ICE1: variants seen among roughly 807,000 people sequenced by gnomAD.
ICE1 encodes interactor of little elongation complex ELL subunit 1, also known as little elongation complex subunit 1.
ICE1 carries 64 observed loss-of-function variants against 192.7 expected under a neutral mutation model. That is an observed-to-expected ratio of 0.33 (90% confidence interval 0.27 to 0.41). ICE1 has a LOEUF of 0.41. ICE1 is among the 10% of genes least tolerant of loss of function. The pLI is 1.00. For missense variants in ICE1, 2,708 were observed against 2,696.0 expected, an observed-to-expected ratio of 1.00 and a Z score of -0.10; for synonymous variants, 1,010 against 984.5, an observed-to-expected ratio of 1.03 and a Z score of -0.49.
chr5:5,445,630 T>A (rs1337044727), intron 7 of ICE1, among the ~76,000 whole-genome samples: 2 of 151,996 alleles, frequency 1.3e-5, no homozygotes, highest in Non-Finnish European at 2.9e-5. Context: ...GCCAGACTGG[T>A]CTCGAACTCC....
chr5:5,445,802 G>A (rs1055305313), intron 7 of ICE1, among the ~76,000 whole-genome samples: 11 of 150,326 alleles, frequency 7.3e-5, no homozygotes, highest in African/African-American at 2.2e-4. Flanking sequence ...GCGTGATCTC[G>A]GCTCTCTACA....
intron 18 of ICE1, among the ~76,000 whole-genome samples, chr5:5,488,299 T>C (rs1739683065): frequency 6.6e-6 from 1 of 152,232 alleles, no homozygotes; most frequent in African/African-American, 2.4e-5. Flanking sequence ...TATATTTTAT[T>C]TGAAATGCTT....
intron 6 of ICE1, among the ~76,000 whole-genome samples, chr5:5,443,595 C>T (rs1260092372): frequency 6.6e-6 from 1 of 152,122 alleles, no homozygotes; most frequent in Non-Finnish European, 1.5e-5. Context: ...ATTATGTACT[C>T]ATTCACTTGT....
chr5:5,480,012 G>A (rs945246076), intron 17 of ICE1, among the ~76,000 whole-genome samples: 21 of 152,080 alleles, frequency 1.4e-4, no homozygotes, highest in African/African-American at 5.1e-4. Context: ...TGGGTTGATA[G>A]GTGCAGCAAA....
rs76783275 is a variant in ICE1, at chr5:5,457,580, G to A, written c.940G>A (p.Gly314Ser). 3.1e-3 allele frequency: 5,016 copies of A among 1,613,884 alleles called. 133 individuals carry two copies. In the African/African-American group the frequency reaches 0.059, roughly 19 times the overall value. ...LEVLVQSHRDGGSTEFVDHDH... is the reference protein window; with the variant it reads ...LEVLVQSHRDSGSTEFVDHDH... ...GGTTTTAGTACAAAGTCATCGTGAC[G>A]GTGGTAGTACTGAATTTGTTGATCA... The change falls in exon 12 of 19, where the codon GGT becomes AGT. Residue 314 changes from glycine (G) to serine (S), a missense_variant. Gly to Ser is a moderately conservative substitution (Grantham distance 56). Transcript: ENST00000296564.
chr5:5,446,620 T>C lies in ICE1; in HGVS notation c.425-807T>C, dbSNP rs143636842. On this transcript the variant is annotated intron_variant, in intron 7 of 18. Transcript: ENST00000296564. ...GAAATCTGAAGTGCCAGTGAGACTA[T>C]ATATACAGGTTTTAGAACAGACTTT... Among the ~76,000 whole-genome samples, 463 of 152,286 alleles carry C rather than the reference T, an allele frequency of 3.0e-3. 6 individuals are homozygous for C. The highest frequency in any genetic ancestry group is 0.014 in the Middle Eastern group (4 of 294).
chr5:5,474,903 A>G (rs1275920872), intron 16 of ICE1, among the ~76,000 whole-genome samples: 1 of 152,256 alleles, frequency 6.6e-6, no homozygotes, highest in East Asian at 1.9e-4. Flanking sequence ...GAATCAAATC[A>G]TGGCACTCCT....
intron 17 of ICE1, among the ~76,000 whole-genome samples, chr5:5,476,907 A>G (rs2111400271): frequency 6.6e-6 from 1 of 152,298 alleles, no homozygotes; most frequent in East Asian, 1.9e-4. Flanking sequence ...ACAGAAATGA[A>G]ATGATTGTTT....
Position 5,461,323 on chromosome 5 carries a change from A to G in ICE1, c.1989A>G (p.Val663=), listed in dbSNP as rs1373887053. The change falls in exon 13 of 19, where the codon GTA becomes GTG. Residue 663 remains valine, a synonymous_variant. Coordinates refer to ENST00000296564, the MANE Select transcript of ICE1 (RefSeq NM_015325.3). ...ATGATACAGATATTACTACTAAAGT[A>G]TTCTCTACTGAACCGCATCATTCAG... is the stretch of plus-strand genomic sequence containing the variant. ...CGNDTDITTK[V]FSTEPHHSEH... is the part of the protein sequence containing the mutation. 20 of 1,613,862 alleles carry G rather than the reference A, an allele frequency of 1.2e-5. 1 individual carries two copies. Among genetic ancestry groups the G allele is most frequent in the South Asian group, 2.2e-5 (2 of 91,084 alleles).
rs770168546 is a variant in ICE1 at position 5,489,110 on chromosome 5, A to G, written c.6620-39A>G. On this transcript the variant is annotated intron_variant, in intron 18 of 18. Coordinates refer to ENST00000296564, the MANE Select transcript of ICE1 (RefSeq NM_015325.3). The stretch of plus-strand genomic sequence containing the variant: ...ATCACTAAAATTTTGAATAACAGAT[A>G]TTTTCTTGTTTTATGACTGATCTGA... 1.9e-6 allele frequency: 3 copies of G among 1,580,082 alleles called. No individual in the cohort carries two copies. The South Asian group carries it at 3.4e-5, about 18-fold the overall frequency.
At chr5:5,473,982 G>A (rs1007388844) in intron 16 of ICE1, among the ~76,000 whole-genome samples, 4 of 152,018 alleles carry the variant, frequency 2.6e-5, no homozygotes, top group African/African-American at 9.7e-5. Flanking sequence ...AGGCCGAGGT[G>A]GGCAGATCAC....
chr5:5,423,016 G>A lies in ICE1; in HGVS notation c.84+17G>A, dbSNP rs2111320869. 1 of 1,359,892 alleles carries A rather than the reference G, an allele frequency of 7.4e-7. No individual in the cohort carries two copies. Among genetic ancestry groups the A allele is most frequent in the East Asian group, 3.1e-5 (1 of 31,928 alleles). The allele number at this position is 1,359,892 out of a possible 1,614,324, so 84.2% of individuals were successfully genotyped here. On this transcript the variant is annotated intron_variant, in intron 1 of 18. Coordinates refer to ENST00000296564, the MANE Select transcript of ICE1 (RefSeq NM_015325.3). ...CTGCAGCAGGTGCAGCACCTCCCGG[G>A]GCCCCGGGCGCGGGGGGGGACTCGG...
Position 5,489,336 on chromosome 5 carries a change from G to A in ICE1, c.*6G>A, listed in dbSNP as rs779301060. 1 of 1,600,972 alleles carries A rather than the reference G, an allele frequency of 6.2e-7. No homozygotes were observed. The highest frequency in any genetic ancestry group is 8.5e-7 in the Non-Finnish European group (1 of 1,174,346). On this transcript the variant is annotated 3_prime_UTR_variant, in exon 19 of 19. Transcript: ENST00000296564. ...GCACAGAGGAGCTTGGCTGACCTGG[G>A]ATGCCACTGAGGCTTGAGAAGTGCC...
intron 3 of ICE1, among the ~76,000 whole-genome samples, chr5:5,439,125 A>G (rs1457072824): frequency 1.3e-5 from 2 of 152,126 alleles, no homozygotes; most frequent in Non-Finnish European, 2.9e-5. Context: ...CCACTTTATT[A>G]TCACCTCTTT....
At chr5:5,472,507 T>A (rs564206560) in intron 15 of ICE1, among the ~76,000 whole-genome samples, 1 of 152,312 alleles carries the variant, frequency 6.6e-6, no homozygotes, top group African/African-American at 2.4e-5. Flanking sequence ...ATGTCAAAAT[T>A]TATTTCTGCA....
intron 17 of ICE1, among the ~76,000 whole-genome samples, chr5:5,477,602 G>T (rs1739353853): frequency 6.6e-6 from 1 of 152,142 alleles, no homozygotes; most frequent in Admixed American, 6.5e-5. Flanking sequence ...ATTCCAAACA[G>T]TAGAAAAAGA....
intron 12 of ICE1, among the ~76,000 whole-genome samples, chr5:5,458,197 GT>G (rs1387100464): frequency 6.6e-6 from 1 of 152,160 alleles, no homozygotes; most frequent in Non-Finnish European, 1.5e-5. Flanking sequence ...GTTTACAGTA[GT>G]TTCTTAGGAA....
chr5:5,450,768 T>G (rs1464975016), intron 10 of ICE1, among the ~76,000 whole-genome samples: 3 of 152,190 alleles, frequency 2.0e-5, no homozygotes, highest in Non-Finnish European at 4.4e-5. Flanking sequence ...ATTATTGAAA[T>G]GTTGATTAAA....
chr5:5,428,819 T>A (rs1393463697), intron 1 of ICE1, among the ~76,000 whole-genome samples: 1 of 152,188 alleles, frequency 6.6e-6, no homozygotes, highest in Non-Finnish European at 1.5e-5. Flanking sequence ...CCTCCTTCAT[T>A]TAGTCTTTGT....
Sources: gnomAD v4.1 joint callset for allele counts (sites outside exome capture counted in the v4.1 genomes callset) on GRCh38, gnomAD v4.1.1 for gene constraint, MANE v1.5 for transcripts, NCBI Gene and HGNC (gene_info 2026-07-23, HGNC 2026-07-21) for gene names.